Variants in ZNF407 observed in about 807,000 individuals in gnomAD.
ZNF407 encodes zinc finger protein 407.
A neutral mutation model predicts 131.2 loss-of-function variants in ZNF407; 17 were observed. That is an observed-to-expected ratio of 0.13 (90% CI 0.09 to 0.19). ZNF407 has a LOEUF of 0.19. Ranked by LOEUF, ZNF407 falls within the 10% of genes least tolerant of loss-of-function variation. The pLI is 1.00. For missense variants in ZNF407, 2,681 were observed against 2,830.6 expected, an observed-to-expected ratio of 0.95 and a Z score of 1.20; for synonymous variants, 1,156 against 1,062.0, an observed-to-expected ratio of 1.09 and a Z score of -1.72.
chr18:74,862,950 T>C lies in ZNF407; in HGVS notation c.4878-14247T>C, dbSNP rs939646221. Reference sequence around the variant, plus strand: ...TTTTTTTTTTTTTGAGATGAAGTTTTGCTCTTATTGCCCAGGCTGGAGTGC... The same window carrying C: ...TTTTTTTTTTTTTGAGATGAAGTTTCGCTCTTATTGCCCAGGCTGGAGTGC... On this transcript the variant is annotated intron_variant, in intron 4 of 8. Coordinates refer to ENST00000299687, the MANE Select transcript of ZNF407 (RefSeq NM_017757.3). Among the ~76,000 whole-genome samples, 68 of 152,038 alleles carry C rather than the reference T, an allele frequency of 4.5e-4. 1 individual carries two copies. Among genetic ancestry groups the C allele is most frequent in the African/African-American group, 1.6e-3 (65 of 41,490 alleles).
chr18:75,058,417 C>T (rs1973586765), intron 8 of ZNF407, among the ~76,000 whole-genome samples: 2 of 152,142 alleles, frequency 1.3e-5, no homozygotes, highest in Non-Finnish European at 2.9e-5. Context: ...TAGATGGGCA[C>T]GAGGCTGCAT....
chr18:75,000,903 C>A (rs530625611), intron 8 of ZNF407, among the ~76,000 whole-genome samples: 2 of 152,180 alleles, frequency 1.3e-5, no homozygotes, highest in Non-Finnish European at 2.9e-5. Context: ...ATGGCATCAA[C>A]GTCACATTAA....
chr18:74,971,728 CT>C (rs1972474963), intron 8 of ZNF407, among the ~76,000 whole-genome samples: 1 of 152,246 alleles, frequency 6.6e-6, no homozygotes, highest in South Asian at 2.1e-4. Flanking sequence ...GCTCTTCAAA[CT>C]GTTCCAACTC....
chr18:74,675,749 GTT>G (rs1986329658), intron 3 of ZNF407, among the ~76,000 whole-genome samples: 1 of 152,088 alleles, frequency 6.6e-6, no homozygotes, highest in Admixed American at 6.5e-5. Flanking sequence ...ACTTATCCAT[GTT>G]TAATATTAAG....
At chr18:75,023,332 A>G (rs1973133835) in intron 8 of ZNF407, among the ~76,000 whole-genome samples, 1 of 152,192 alleles carries the variant, frequency 6.6e-6, no homozygotes, top group African/African-American at 2.4e-5. Flanking sequence ...ATATTAATAA[A>G]AAGCCTTGAA....
intron 4 of ZNF407, among the ~76,000 whole-genome samples, chr18:74,811,261 A>G (rs1051469303): frequency 5.9e-5 from 9 of 152,234 alleles, no homozygotes; most frequent in African/African-American, 2.2e-4. Flanking sequence ...GCAGCCAAAA[A>G]ACACATGAAA....
At chr18:75,000,804 A>G (rs1972836408) in intron 8 of ZNF407, among the ~76,000 whole-genome samples, 1 of 152,216 alleles carries the variant, frequency 6.6e-6, no homozygotes, top group Non-Finnish European at 1.5e-5. Flanking sequence ...ATTGTGGAAT[A>G]TAAACTAGGA....
At chr18:74,748,867 G>A (rs141203252) in intron 3 of ZNF407, among the ~76,000 whole-genome samples, 5 of 152,150 alleles carry the variant, frequency 3.3e-5, no homozygotes, top group African/African-American at 4.8e-5. Context: ...CACGAAAGCC[G>A]TTGTGTCACT....
chr18:74,685,141 A>G (rs1967067473), intron 3 of ZNF407, among the ~76,000 whole-genome samples: 2 of 152,206 alleles, frequency 1.3e-5, no homozygotes, highest in South Asian at 4.1e-4. Flanking sequence ...CTTAAGGATT[A>G]TAGAAGGTTG....
chr18:75,026,166 G>A (rs1973168867), intron 8 of ZNF407, among the ~76,000 whole-genome samples: 1 of 152,156 alleles, frequency 6.6e-6, no homozygotes, highest in South Asian at 2.1e-4. Context: ...TTAATATATT[G>A]TAATATACGA....
rs547944342 is a variant in ZNF407 at position 74,912,325 on chromosome 18, G to T, written c.5250-8189G>T. Among the ~76,000 whole-genome samples, 3 of 152,226 alleles carry T rather than the reference G, an allele frequency of 2.0e-5. No homozygotes were observed. In the South Asian group the frequency reaches 6.2e-4, roughly 32 times the overall value. ...TACCAGCTGACAACCACTGTCCCGT[G>T]AGTGATTTTGTGTTGGTTCTGGGTG... On this transcript the variant is annotated intron_variant, in intron 7 of 8. Transcript: ENST00000299687.
chr18:74,997,122 A>AG (rs2122150249), intron 8 of ZNF407, among the ~76,000 whole-genome samples: 1 of 152,334 alleles, frequency 6.6e-6, no homozygotes, highest in African/African-American at 2.4e-5. Context: ...ATGAGCTAGC[A>AG]GGTCACCTGA....
In ZNF407 at chr18:74,920,433, G is replaced by A. The variant is rs774221006; in HGVS notation, c.5250-81G>A. On this transcript the variant is annotated intron_variant, in intron 7 of 8. Coordinates refer to ENST00000299687, the MANE Select transcript of ZNF407 (RefSeq NM_017757.3). Reference sequence around the variant, plus strand: ...AAATAGTACCAAACACATACAGACAGTGTTATGTAATATCATTATTTGTAA... The same window carrying A: ...AAATAGTACCAAACACATACAGACAATGTTATGTAATATCATTATTTGTAA... The A allele has an allele frequency of 6.1e-5, 72 of 1,182,206 alleles. 1 individual carries two copies. Among genetic ancestry groups the A allele is most frequent in the Non-Finnish European group, 4.9e-5 (42 of 849,162 alleles). The allele number at this position is 1,182,206 out of a possible 1,614,324, so 73.2% of individuals were successfully genotyped here. A position where few individuals can be genotyped will look rare whatever the true frequency, so the allele number is the denominator to read the frequency against.
At chr18:74,911,974 T>C (rs932238004) in intron 7 of ZNF407, among the ~76,000 whole-genome samples, 1 of 152,108 alleles carries the variant, frequency 6.6e-6, no homozygotes, top group Non-Finnish European at 1.5e-5. Flanking sequence ...ATGCCTGACA[T>C]CATAACAGAC....
chr18:74,891,260 C>G (rs1005350309), intron 7 of ZNF407, among the ~76,000 whole-genome samples: 1 of 152,172 alleles, frequency 6.6e-6, no homozygotes, highest in Non-Finnish European at 1.5e-5. Context: ...TTTAAGAAGC[C>G]TGATCTCAAG....
chr18:74,862,884 T>C (rs1323412490), intron 4 of ZNF407, among the ~76,000 whole-genome samples: 2 of 152,010 alleles, frequency 1.3e-5, no homozygotes, highest in Non-Finnish European at 2.9e-5. Context: ...TATTTTTGCC[T>C]GTGTTCCCCA....
chr18:74,644,143 G>C (rs758664065), intron 3 of ZNF407, among the ~76,000 whole-genome samples: 1 of 149,448 alleles, frequency 6.7e-6, no homozygotes, highest in Non-Finnish European at 1.5e-5. Flanking sequence ...TTCAGGTTAA[G>C]AGCCATTTAT....
intron 3 of ZNF407, among the ~76,000 whole-genome samples, chr18:74,702,895 T>C (rs1298669692): frequency 6.6e-6 from 1 of 152,136 alleles, no homozygotes; most frequent in African/African-American, 2.4e-5. Context: ...AGAGGAGATA[T>C]TTGGAACACA....
chr18:74,751,695 C>T (rs1025432218), intron 3 of ZNF407, among the ~76,000 whole-genome samples: 4 of 152,176 alleles, frequency 2.6e-5, no homozygotes, highest in African/African-American at 9.7e-5. Context: ...CTACAAAGGA[C>T]ATGAACTCAT....
Sources: gnomAD v4.1 joint callset for allele counts (sites outside exome capture counted in the v4.1 genomes callset) on GRCh38, gnomAD v4.1.1 for gene constraint, MANE v1.5 for transcripts, NCBI Gene and HGNC (gene_info 2026-07-23, HGNC 2026-07-21) for gene names.